Variants in PRPF39 observed in about 807,000 individuals in gnomAD.
PRPF39 encodes the protein pre-mRNA-processing factor 39.
Under a neutral mutation model 82.1 loss-of-function variants are expected in PRPF39, and 27 were observed. The ratio of observed to expected loss-of-function variants is 0.33; its 90% CI spans 0.24 to 0.45. PRPF39 has a LOEUF of 0.45. Ranked by LOEUF, PRPF39 falls within the 20% of genes least tolerant of loss-of-function variation. PRPF39 has a pLI of 1.00. For synonymous variants in PRPF39, 261 were observed against 256.4 expected (o/e 1.02, Z -0.17); for missense variants, 581 against 796.9 (o/e 0.73, Z 3.26).
rs2139065152 is a variant in PRPF39 at position 45,110,301 on chromosome 14, T to C, written c.1303+81T>C. 1 of 1,561,570 alleles carries C rather than the reference T, an allele frequency of 6.4e-7. No homozygotes were observed. Among genetic ancestry groups the C allele is most frequent in the East Asian group, 2.3e-5 (1 of 43,994 alleles). ...CAGTGACAAATTGAGTGGTAAGGGA[T>C]GGTGTAAAGCAGAGTTTGGCAAACT... On this transcript the variant is annotated intron_variant, in intron 9 of 13. Coordinates refer to ENST00000355765, the MANE Select transcript of PRPF39 (RefSeq NM_017922.4). The surrounding 1 kb of genome is among the most constrained non-coding windows in gnomAD (Gnocchi z 4.0).
rs201192797 is a variant in PRPF39 at position 45,098,460 on chromosome 14, AAAGAG to A, written c.569+1457_569+1461del. Among the ~76,000 whole-genome samples the A allele has an allele frequency of 1.2e-4, 18 of 150,996 alleles. 1 individual carries two copies. Among genetic ancestry groups the A allele is most frequent in the East Asian group, 3.9e-4 (2 of 5,090 alleles). ...AGACCCTGTCTCAAAAAAAAAAAAA[AAAGAG>A]AGAGAGATCAAAAACCTATAAATAT... On this transcript the variant is annotated intron_variant, in intron 4 of 13. Transcript: ENST00000355765.
At chr14:45,093,326 G>T (rs1884099109) in intron 1 of PRPF39, among the ~76,000 whole-genome samples, 1 of 151,120 alleles carries the variant, frequency 6.6e-6, no homozygotes, top group Non-Finnish European at 1.5e-5. Context: ...GGGTTCAAGT[G>T]ATACTCCTGC....
intron 4 of PRPF39, among the ~76,000 whole-genome samples, chr14:45,100,116 G>C (rs1884327557): frequency 6.6e-6 from 1 of 152,174 alleles, no homozygotes; most frequent in African/African-American, 2.4e-5. Flanking sequence ...TGTAATCCCA[G>C]CTTCTCAGGA....
At chr14:45,087,516 G>T (rs1883870802) in intron 1 of PRPF39, among the ~76,000 whole-genome samples, 1 of 151,972 alleles carries the variant, frequency 6.6e-6, no homozygotes, top group Admixed American at 6.6e-5. Context: ...GGCTTAGAGA[G>T]GTTAAGTAAT....
intron 6 of PRPF39, 138 bp from the exon 7 acceptor site, chr14:45,108,277 A>G: frequency 2.0e-6 from 2 of 986,574 alleles, no homozygotes; most frequent in South Asian, 3.0e-5. Context: ...GATTTTGCAC[A>G]TAATTGCCAA....
At chr14:45,114,705 A>G in intron 13 of PRPF39, 91 bp downstream of exon 13, 1 of 1,460,166 alleles carries the variant, frequency 6.8e-7, no homozygotes, top group Non-Finnish European at 9.3e-7. Context: ...TTTTTGTTCC[A>G]ATTGTGTAAT....
At chr14:45,103,409 T>C (rs1884433866) in intron 5 of PRPF39, among the ~76,000 whole-genome samples, 1 of 152,096 alleles carries the variant, frequency 6.6e-6, no homozygotes, top group Non-Finnish European at 1.5e-5. Context: ...TTTTTTGTTA[T>C]AATTTTTATG....
chr14:45,089,300 C>A (rs1384084141), intron 1 of PRPF39, among the ~76,000 whole-genome samples: 1 of 152,138 alleles, frequency 6.6e-6, no homozygotes, highest in Non-Finnish European at 1.5e-5. Flanking sequence ...GGTCCAACTT[C>A]ATTCTTTTGC....
chr14:45,115,853 T>C lies in PRPF39; in HGVS notation c.*940T>C, dbSNP rs1385449972. The stretch of plus-strand genomic sequence containing the variant: ...GTTTGATGAGGTCCTTAGTTCCAAT[T>C]CCCTAATCAGAACAATAATATATTA... On this transcript the variant is annotated 3_prime_UTR_variant, in exon 14 of 14. Coordinates refer to ENST00000355765, the MANE Select transcript of PRPF39 (RefSeq NM_017922.4). The C allele has an allele frequency of 5.6e-6, 1 of 179,642 alleles. No homozygotes were observed. Among genetic ancestry groups the C allele is most frequent in the East Asian group, 1.3e-4 (1 of 7,586 alleles). The allele number at this position is 179,642 out of a possible 1,614,324, so 11.1% of individuals were successfully genotyped here. A position where few individuals can be genotyped will look rare whatever the true frequency, so the allele number is the denominator to read the frequency against.
chr14:45,107,737 T>A, intron 6 of PRPF39, 121 bp downstream of exon 6: 1 of 946,520 alleles, frequency 1.1e-6, no homozygotes, highest in South Asian at 1.7e-5. Context: ...GAGACCCATG[T>A]AGGCAACATG....
At chr14:45,098,504 G>C (rs1035295295) in intron 4 of PRPF39, among the ~76,000 whole-genome samples, 11 of 150,372 alleles carry the variant, frequency 7.3e-5, no homozygotes, top group African/African-American at 2.7e-4. Flanking sequence ...TCATCATACT[G>C]TCTTTTCATT....
intron 3 of PRPF39, 27 bp downstream of exon 3, chr14:45,096,255 C>T (rs567610810): frequency 1.9e-6 from 3 of 1,565,524 alleles, no homozygotes; most frequent in African/African-American, 2.7e-5. Context: ...ATAAACTTAT[C>T]TCCAATAGGT....
chr14:45,088,810 G>C (rs1883925628), intron 1 of PRPF39, among the ~76,000 whole-genome samples: 1 of 152,194 alleles, frequency 6.6e-6, no homozygotes, highest in African/African-American at 2.4e-5. Context: ...TCGATACACA[G>C]TAGTTGAATT....
intron 11 of PRPF39, 60 bp from the exon 12 acceptor site, chr14:45,114,123 A>C (rs1884770501): frequency 1.6e-6 from 2 of 1,267,716 alleles, no homozygotes; most frequent in African/African-American, 3.1e-5. Flanking sequence ...AACAACTTTA[A>C]ATATTTAATA....
intron 1 of PRPF39, among the ~76,000 whole-genome samples, chr14:45,088,818 A>T (rs1883926159): frequency 6.6e-6 from 1 of 152,206 alleles, no homozygotes; most frequent in Non-Finnish European, 1.5e-5. Context: ...CAGTAGTTGA[A>T]TTACACATGT....
At chr14:45,102,489 T>C (rs746122737) in intron 4 of PRPF39, 40 bp from the exon 5 acceptor site, 1 of 1,478,128 alleles carries the variant, frequency 6.8e-7, no homozygotes, top group Non-Finnish European at 9.1e-7. Context: ...AAAGTGATTT[T>C]ATCTTGGAAA....
rs1397430918 is a variant in PRPF39, at chr14:45,110,286, TTGAG to T, written c.1303+69_1303+72del. On this transcript the variant is annotated intron_variant, in intron 9 of 13. Coordinates refer to ENST00000355765, the MANE Select transcript of PRPF39 (RefSeq NM_017922.4). This position sits in a 1 kb window ranked among gnomAD's most constrained non-coding sequence, Gnocchi z 4.0. ...AGTTATTTCAGGAAACAGTGACAAA[TTGAG>T]TGGTAAGGGATGGTGTAAAGCAGAG... 1.8e-5 allele frequency: 29 copies of T among 1,587,688 alleles called. No individual in the cohort carries two copies. The highest frequency in any genetic ancestry group is 1.7e-4 in the Middle Eastern group (1 of 5,948).
At chr14:45,096,824 G>GTGTT in intron 3 of PRPF39, 63 bp from the exon 4 acceptor site, 2 of 1,537,738 alleles carry the variant, frequency 1.3e-6, no homozygotes, top group East Asian at 4.9e-5. Context: ...GGATAACACA[G>GTGTT]TGTTGCCTCT....
intron 4 of PRPF39, among the ~76,000 whole-genome samples, chr14:45,099,298 G>A (rs889743147): frequency 6.6e-6 from 1 of 151,906 alleles, no homozygotes; most frequent in South Asian, 2.1e-4. Flanking sequence ...TTTCTCTGTT[G>A]TTTTTAATAG....
Sources: gnomAD v4.1 joint callset for allele counts (sites outside exome capture counted in the v4.1 genomes callset) on GRCh38, gnomAD v4.1.1 for gene constraint, Gnocchi (gnomAD v3.1) non-coding constraint, MANE v1.5 for transcripts, NCBI Gene and HGNC (gene_info 2026-07-23, HGNC 2026-07-21) for gene names.